Variants in KANSL1L observed in about 807,000 individuals in gnomAD.
The protein encoded by KANSL1L is KAT8 regulatory NSL complex subunit 1 like.
Under a neutral mutation model 108.6 loss-of-function variants are expected in KANSL1L, and 25 were observed. The observed-to-expected ratio is 0.23, with a 90% CI of 0.17 to 0.32. The LOEUF is 0.32. KANSL1L is among the 10% of genes least tolerant of loss of function. The probability of loss-of-function intolerance (pLI) is 1.00; values close to 1 mark genes in which losing one functional copy is unlikely to be tolerated. For missense variants in KANSL1L, 1,137 were observed against 1,125.7 expected (o/e 1.01, Z -0.14); for synonymous variants, 405 against 395.1 (o/e 1.03, Z -0.30).
At chr2:210,091,658 G>C (rs536610866) in intron 5 of KANSL1L, among the ~76,000 whole-genome samples, 2 of 152,084 alleles carry the variant, frequency 1.3e-5, no homozygotes, top group Non-Finnish European at 2.9e-5. Flanking sequence ...AATCTGAATC[G>C]ATTTCCTCCT....
intron 5 of KANSL1L, among the ~76,000 whole-genome samples, chr2:210,080,762 T>C (rs561131637): frequency 4.7e-4 from 71 of 152,236 alleles, no homozygotes; most frequent in African/African-American, 1.6e-3. Flanking sequence ...AACATAAATT[T>C]GTATCAGCCC....
rs66917529 is a variant in KANSL1L, at chr2:210,171,295, G to GGCCGCCGCCGCCGCCGCCGCCGCC, written c.-200_-177dup. The GGCCGCCGCCGCCGCCGCCGCCGCC allele has an allele frequency of 1.8e-5, 3 of 168,070 alleles. No homozygotes were observed. Among genetic ancestry groups the GGCCGCCGCCGCCGCCGCCGCCGCC allele is most frequent in the African/African-American group, 7.3e-5 (3 of 40,884 alleles). 10.4% of individuals were successfully genotyped at this position (168,070 alleles called of 1,614,324 possible). On this transcript the variant is annotated 5_prime_UTR_variant, in exon 1 of 15. Coordinates refer to ENST00000281772, the MANE Select transcript of KANSL1L (RefSeq NM_152519.4). ...CCAGAGCGCGCCCCGCTCCCGCCCC[G>GGCCGCCGCCGCCGCCGCCGCCGCC]GCCGCCGCCGCCGCCGCCGCCGCCG...
intron 1 of KANSL1L, among the ~76,000 whole-genome samples, chr2:210,168,716 G>T (rs780889658): frequency 6.6e-6 from 1 of 152,088 alleles, no homozygotes; most frequent in East Asian, 1.9e-4. Flanking sequence ...ACTGTGATCA[G>T]ATCACTGAGG....
intron 5 of KANSL1L, among the ~76,000 whole-genome samples, chr2:210,083,972 G>A (rs568590822): frequency 1.3e-4 from 19 of 151,988 alleles, no homozygotes; most frequent in Non-Finnish European, 2.4e-4. Flanking sequence ...GCCTGGTATA[G>A]AGAAAACAGT....
intron 8 of KANSL1L, among the ~76,000 whole-genome samples, chr2:210,035,670 G>A (rs2094092457): frequency 6.6e-6 from 1 of 152,048 alleles, no homozygotes; most frequent in African/African-American, 2.4e-5. Context: ...GTACAGACGG[G>A]GTTTCACCAT....
At chr2:210,029,672 A>AAGAT (rs2093987811) in intron 10 of KANSL1L, 131 bp downstream of exon 10, 1 of 467,202 alleles carries the variant, frequency 2.1e-6, no homozygotes, top group Non-Finnish European at 3.8e-6. Flanking sequence ...GTTTTCTAAC[A>AAGAT]AGATAGTTAT....
In KANSL1L at chr2:210,071,131, C is replaced by G. The variant is rs142912422; in HGVS notation, c.1755+4421G>C. Among the ~76,000 whole-genome samples, 1,428 of 152,198 alleles carry G rather than the reference C, an allele frequency of 9.4e-3. 22 individuals are homozygous for G. Among genetic ancestry groups the G allele is most frequent in the African/African-American group, 0.03 (1,227 of 41,532 alleles). On this transcript the variant is annotated intron_variant, in intron 6 of 14. Coordinates refer to ENST00000281772, the MANE Select transcript of KANSL1L (RefSeq NM_152519.4). ...TGAGATTGTGCCAGTGCACTCCAGC[C>G]TGGGCAACAGAGTAACACCAATCTT...
chr2:210,037,034 G>A (rs943005421), intron 8 of KANSL1L, among the ~76,000 whole-genome samples: 2 of 152,130 alleles, frequency 1.3e-5, no homozygotes, highest in Admixed American at 1.3e-4. Context: ...GGGATTACAG[G>A]TGTGGGCCAC....
chr2:210,093,316 T>G (rs2094708564), intron 5 of KANSL1L, among the ~76,000 whole-genome samples: 1 of 152,194 alleles, frequency 6.6e-6, no homozygotes, highest in Admixed American at 6.5e-5. Context: ...CAGCTAATTT[T>G]TGTATTTTTA....
At chr2:210,069,134 A>G (rs1002878430) in intron 6 of KANSL1L, among the ~76,000 whole-genome samples, 2 of 152,182 alleles carry the variant, frequency 1.3e-5, no homozygotes, top group African/African-American at 4.8e-5. Flanking sequence ...CTAAATATCC[A>G]AGTTCATTGC....
intron 1 of KANSL1L, among the ~76,000 whole-genome samples, chr2:210,158,735 C>T (rs1181666718): frequency 6.6e-6 from 1 of 150,660 alleles, no homozygotes; most frequent in African/African-American, 2.4e-5. Flanking sequence ...AAGTAAGTCT[C>T]TCTACTTTGC....
chr2:210,082,919 G>T (rs560780681), intron 5 of KANSL1L, among the ~76,000 whole-genome samples: 71 of 152,266 alleles, frequency 4.7e-4, no homozygotes, highest in African/African-American at 1.6e-3. Context: ...AAACTGGGTT[G>T]AATAGTGTCT....
intron 7 of KANSL1L, among the ~76,000 whole-genome samples, chr2:210,041,833 A>T (rs1453774905): frequency 6.6e-6 from 1 of 152,218 alleles, no homozygotes; most frequent in Non-Finnish European, 1.5e-5. Context: ...AAATATGCAA[A>T]ACAAAAATTA....
intron 6 of KANSL1L, among the ~76,000 whole-genome samples, chr2:210,048,022 T>C (rs1192559316): frequency 6.6e-6 from 1 of 152,158 alleles, no homozygotes; most frequent in East Asian, 1.9e-4. Flanking sequence ...ATCTTAAGAG[T>C]ATACTGAACA....
At chr2:210,040,377 A>G in intron 8 of KANSL1L, 43 bp downstream of exon 8, 1 of 888,624 alleles carries the variant, frequency 1.1e-6, no homozygotes, top group Non-Finnish European at 1.9e-6. Context: ...GTATAAAGAC[A>G]TAAAAAGGCA....
Position 210,028,855 on chromosome 2 carries a change from G to C in KANSL1L, c.2386C>G (p.Leu796Val). The change falls in exon 11 of 15, where the codon CTT (leucine) becomes GTT (valine). Residue 796 changes from leucine to valine, a missense_variant. Leu to Val is a conservative substitution (Grantham distance 32). This residue lies in a region of KANSL1L where 575 missense variants were observed against 567.1 expected (regional missense o/e 1.01). Transcript: ENST00000281772. ...KLEKLQYKEI[L>V]TPSWRMVVLQ... is the part of the protein sequence containing the mutation. Reference sequence around the variant, plus strand: ...TGTAAGTATACATACCTTGGAGTAAGTATTTCCTTATATTGGAGTTTCTCT... The same window carrying C: ...TGTAAGTATACATACCTTGGAGTAACTATTTCCTTATATTGGAGTTTCTCT... 6.3e-7 allele frequency: 1 copy of C among 1,588,212 alleles called. No homozygotes were observed. The highest frequency in any genetic ancestry group is 8.6e-7 in the Non-Finnish European group (1 of 1,160,086).
chr2:210,100,138 C>T (rs1421675966), intron 4 of KANSL1L, among the ~76,000 whole-genome samples: 1 of 152,082 alleles, frequency 6.6e-6, no homozygotes, highest in Non-Finnish European at 1.5e-5. Context: ...CCTGTCAGAC[C>T]ACCCACAGCA....
At chr2:210,156,661 C>T (rs369953949) in intron 1 of KANSL1L, among the ~76,000 whole-genome samples, 1 of 151,792 alleles carries the variant, frequency 6.6e-6, no homozygotes, top group African/African-American at 2.4e-5. Flanking sequence ...AAAAAGTGAA[C>T]CAGAAAAATA....
At chr2:210,050,216 CAATT>C (rs2125223671) in intron 6 of KANSL1L, among the ~76,000 whole-genome samples, 2 of 152,092 alleles carry the variant, frequency 1.3e-5, no homozygotes, top group African/African-American at 4.8e-5. Context: ...AATTTAAGAA[CAATT>C]AATTCCAGGG....
Sources: gnomAD v4.1 joint callset for allele counts (sites outside exome capture counted in the v4.1 genomes callset) on GRCh38, gnomAD v4.1.1 for gene constraint, gnomAD v4.1.1 regional missense constraint, MANE v1.5 for transcripts, NCBI Gene and HGNC (gene_info 2026-07-23, HGNC 2026-07-21) for gene names.